The following QKI variants were observed in gnomAD, a reference collection of about 807,000 sequenced individuals.
QKI encodes the protein QKI, KH domain containing RNA binding.
QKI carries 10 observed loss-of-function variants against 39.0 expected under a neutral mutation model. The observed-to-expected ratio is 0.26, with a 90% CI of 0.16 to 0.43. The LOEUF (loss-of-function observed/expected upper bound fraction) is 0.43, where lower values mean the gene tolerates loss of function less well. Among genes scored for constraint, QKI ranks in the 20% least tolerant of loss-of-function variants. QKI has a pLI of 1.00. For missense variants in QKI, 218 were observed against 428.0 expected, an observed-to-expected ratio of 0.51 and a Z score of 4.33; for synonymous variants, 204 against 155.4, an observed-to-expected ratio of 1.31 and a Z score of -2.33.
intron 3 of QKI, among the ~76,000 whole-genome samples, chr6:163,522,369 A>G (rs1170366288): frequency 6.6e-6 from 1 of 152,198 alleles, no homozygotes; most frequent in East Asian, 1.9e-4. Flanking sequence ...TATTAAATAA[A>G]TAAATGAATA....
At chr6:163,474,132 C>A (rs1436106906) in intron 2 of QKI, among the ~76,000 whole-genome samples, 1 of 152,106 alleles carries the variant, frequency 6.6e-6, no homozygotes, top group African/African-American at 2.4e-5. Context: ...TAGATATCCA[C>A]TTGTAGTTGG....
chr6:163,534,359 T>TG (rs111873691), intron 3 of QKI, among the ~76,000 whole-genome samples: 1,902 of 152,322 alleles, frequency 0.012, 34 homozygotes, highest in African/African-American at 0.043. Context: ...AATTACCGCA[T>TG]GAAATACTTA....
chr6:163,557,339 A>G (rs1193028620), intron 4 of QKI, among the ~76,000 whole-genome samples: 2 of 152,230 alleles, frequency 1.3e-5, no homozygotes, highest in Non-Finnish European at 2.9e-5. Context: ...TCAATGGAGT[A>G]CTATTTAGCC....
chr6:163,556,686 G>C (rs1296182821), intron 4 of QKI, among the ~76,000 whole-genome samples: 1 of 152,076 alleles, frequency 6.6e-6, no homozygotes, highest in African/African-American at 2.4e-5. Flanking sequence ...CACTTAGTGT[G>C]AGTATTTTTC....
chr6:163,567,730 A>G (rs1250546496), intron 7 of QKI: 1 of 984,552 alleles, frequency 1.0e-6, no homozygotes, highest in Non-Finnish European at 1.2e-6. Context: ...GTAGTAAAAA[A>G]GGATTTTTTA....
intron 3 of QKI, among the ~76,000 whole-genome samples, chr6:163,503,266 G>A (rs1301508324): frequency 6.6e-6 from 1 of 151,324 alleles, no homozygotes; most frequent in Non-Finnish European, 1.5e-5. Flanking sequence ...ACAGGCGTGA[G>A]CCACTGCGCC....
rs757016902 is a variant in QKI at position 163,415,386 on chromosome 6, C to T, written c.142+51C>T. 8 of 1,534,890 alleles carry T rather than the reference C, an allele frequency of 5.2e-6. No homozygotes were observed. The East Asian group carries it at 1.2e-4, about 23-fold the overall frequency. ...CGGCCCGACCCCCGCCGGGGCGGCCCCTTTCCCCGCTTGGGATGGTGGGGA... is the reference window on the plus strand; with the variant it reads ...CGGCCCGACCCCCGCCGGGGCGGCCTCTTTCCCCGCTTGGGATGGTGGGGA... On this transcript the variant is annotated intron_variant, in intron 1 of 7. Coordinates refer to ENST00000361752, the MANE Select transcript of QKI (RefSeq NM_006775.3).
rs1026441751 is a variant in QKI at position 163,497,781 on chromosome 6, T to G, written c.402+18885T>G. 7.9e-5 allele frequency among the ~76,000 whole-genome samples: 12 copies of G among 151,896 alleles called. 1 individual carries two copies. In the East Asian group the frequency reaches 2.3e-3, roughly 29 times the overall value. ...CTAGGATAGTTTTAGCTATATTTAT[T>G]GTCTAGTTGTAATTACTAATAGCAT... is the stretch of plus-strand genomic sequence containing the variant. On this transcript the variant is annotated intron_variant, in intron 3 of 7. Coordinates refer to ENST00000361752, the MANE Select transcript of QKI (RefSeq NM_006775.3).
chr6:163,550,064 C>CA (rs1447697982), intron 4 of QKI, among the ~76,000 whole-genome samples: 5 of 152,150 alleles, frequency 3.3e-5, no homozygotes, highest in African/African-American at 1.2e-4. Context: ...GTTTCAAACT[C>CA]ACAGTGTCTT....
At chr6:163,443,017 A>G (rs910599031) in intron 1 of QKI, among the ~76,000 whole-genome samples, 1 of 152,214 alleles carries the variant, frequency 6.6e-6, no homozygotes. Context: ...TAGATTTGCC[A>G]GTAGCATGAC....
Position 163,572,682 on chromosome 6 carries a change from G to A in QKI, c.*1972G>A, listed in dbSNP as rs866213161. 3 of 28,434 alleles carry A rather than the reference G, an allele frequency of 1.1e-4. No homozygotes were observed. The highest frequency in any genetic ancestry group is 1.9e-4 in the Non-Finnish European group (3 of 15,622). 1.8% of individuals were successfully genotyped at this position (28,434 alleles called of 1,614,324 possible). A position where few individuals can be genotyped will look rare whatever the true frequency, so the allele number is the denominator to read the frequency against. ...CAAGTGACAGTGGACCCCCCCCCCC[G>A]CCCAGCTTATCAACTCGTCCCCTCT... is the stretch of plus-strand genomic sequence containing the variant. On this transcript the variant is annotated 3_prime_UTR_variant, in exon 8 of 8. Coordinates refer to ENST00000361752, the MANE Select transcript of QKI (RefSeq NM_006775.3).
At chr6:163,544,010 T>G (rs1398799963) in intron 4 of QKI, among the ~76,000 whole-genome samples, 2 of 152,106 alleles carry the variant, frequency 1.3e-5, no homozygotes, top group Non-Finnish European at 2.9e-5. Flanking sequence ...TCATAGTTTT[T>G]CTCACAAAGT....
chr6:163,480,335 G>C (rs986116838), intron 3 of QKI, among the ~76,000 whole-genome samples: 2 of 151,856 alleles, frequency 1.3e-5, no homozygotes, highest in African/African-American at 4.8e-5. Flanking sequence ...TCTAGGAATA[G>C]TGCGTGGTTA....
At chr6:163,538,069 GTATT>G (rs1781309143) in intron 4 of QKI, among the ~76,000 whole-genome samples, 1 of 152,140 alleles carries the variant, frequency 6.6e-6, no homozygotes, top group Admixed American at 6.5e-5. Context: ...GAGTTGTTCT[GTATT>G]TATTTGAATT....
intron 7 of QKI, 108 bp from the exon 8 acceptor site, chr6:163,570,586 G>T: frequency 6.5e-7 from 1 of 1,533,040 alleles, no homozygotes; most frequent in Admixed American, 2.0e-5. Flanking sequence ...TATTAGTTGT[G>T]ATTAGTTTTT....
intron 6 of QKI, chr6:163,564,294 A>T (rs1036626114): frequency 2.0e-6 from 2 of 1,004,964 alleles, no homozygotes; most frequent in African/African-American, 3.4e-5. Context: ...GGTGTACATC[A>T]TAGAGTGTAC....
intron 7 of QKI, chr6:163,568,645 AT>A (rs1783519505): frequency 2.0e-6 from 2 of 976,178 alleles, no homozygotes; most frequent in Non-Finnish European, 2.4e-6. Context: ...TTTTAAAAAA[AT>A]ATTTTGAAGA....
At chr6:163,439,054 TA>T (rs771172381) in intron 1 of QKI, among the ~76,000 whole-genome samples, 19 of 152,172 alleles carry the variant, frequency 1.2e-4, no homozygotes, top group Non-Finnish European at 2.6e-4. Flanking sequence ...ACACACACAT[TA>T]ACCTAGGCCT....
At chr6:163,518,508 A>G (rs1372935570) in intron 3 of QKI, among the ~76,000 whole-genome samples, 1 of 152,176 alleles carries the variant, frequency 6.6e-6, no homozygotes, top group Non-Finnish European at 1.5e-5. Context: ...ACTCATTTCT[A>G]AAGTAGTCAT....
Sources: allele counts gnomAD v4.1 joint callset (sites outside exome capture counted in the v4.1 genomes callset), GRCh38; gene constraint gnomAD v4.1.1; transcripts MANE v1.5; gene names NCBI Gene and HGNC (gene_info 2026-07-23, HGNC 2026-07-21).